MCF2L2: variants seen among roughly 807,000 people sequenced by gnomAD.
The protein encoded by MCF2L2 is probable guanine nucleotide exchange factor MCF2L2.
Under a neutral mutation model 150.2 loss-of-function variants are expected in MCF2L2, and 102 were observed. That is an observed-to-expected ratio of 0.68 (90% confidence interval 0.58 to 0.80). The LOEUF is 0.80. Among genes scored for constraint, MCF2L2 ranks in the 30% least tolerant of loss-of-function variants. The pLI, the probability that MCF2L2 is intolerant of heterozygous loss-of-function variation, is 0.00. For synonymous variants in MCF2L2, 465 were observed against 491.3 expected (o/e 0.95, Z 0.71); for missense variants, 1,256 against 1,372.8 (o/e 0.91, Z 1.34).
chr3:183,285,005 T>A (rs1727709863), intron 14 of MCF2L2, among the ~76,000 whole-genome samples: 1 of 152,210 alleles, frequency 6.6e-6, no homozygotes, highest in Non-Finnish European at 1.5e-5. Flanking sequence ...TCAGAAATAT[T>A]AATAAAACTT....
chr3:183,340,900 G>A (rs1429230827), intron 4 of MCF2L2, among the ~76,000 whole-genome samples: 2 of 152,148 alleles, frequency 1.3e-5, no homozygotes, highest in Non-Finnish European at 2.9e-5. Flanking sequence ...CTGAGATTGC[G>A]CCACTGCACT....
chr3:183,193,218 C>T, intron 26 of MCF2L2, 122 bp from the exon 27 acceptor site: 1 of 741,786 alleles, frequency 1.3e-6, no homozygotes, highest in East Asian at 2.5e-5. Context: ...CGAGGACCTG[C>T]TGCTCCTCCC....
At chr3:183,199,605 T>C (rs1353298346) in intron 25 of MCF2L2, among the ~76,000 whole-genome samples, 1 of 150,768 alleles carries the variant, frequency 6.6e-6, no homozygotes, top group Non-Finnish European at 1.5e-5. Context: ...TTTCAGAATA[T>C]CGAAATTTTT....
intron 25 of MCF2L2, among the ~76,000 whole-genome samples, chr3:183,201,327 G>T (rs1722276225): frequency 6.6e-6 from 1 of 152,058 alleles, no homozygotes; most frequent in Admixed American, 6.5e-5. Flanking sequence ...AGTTCTCCTT[G>T]AAGAGGTCCT....
intron 24 of MCF2L2, 55 bp downstream of exon 24, chr3:183,206,067 G>A: frequency 1.3e-6 from 2 of 1,574,242 alleles, no homozygotes; most frequent in Non-Finnish European, 1.7e-6. Flanking sequence ...GTCAAGTCAT[G>A]GGAACACAAT....
At chr3:183,381,065 AG>A (rs925596018) in intron 2 of MCF2L2, among the ~76,000 whole-genome samples, 4 of 152,192 alleles carry the variant, frequency 2.6e-5, no homozygotes, top group African/African-American at 9.7e-5. Context: ...GAGAATTGAG[AG>A]GGTTTGGGAA....
intron 5 of MCF2L2, among the ~76,000 whole-genome samples, chr3:183,325,001 C>T (rs978093155): frequency 2.5e-4 from 37 of 148,214 alleles, no homozygotes; most frequent in Non-Finnish European, 4.7e-4. Flanking sequence ...AACCATCATT[C>T]TCAGCAAACT....
chr3:183,391,965 G>A (rs979597798), intron 1 of MCF2L2, among the ~76,000 whole-genome samples: 2 of 152,088 alleles, frequency 1.3e-5, no homozygotes, highest in African/African-American at 4.8e-5. Context: ...ATAGCTCACT[G>A]CAGCCTTGAA....
At position 183,311,103 on chromosome 3, in the gene MCF2L2, A is replaced by G. The variant is rs1729357592; in HGVS notation, c.879-74T>C. The G allele has an allele frequency of 1.1e-5, 9 of 839,296 alleles. 1 individual carries two copies. In the South Asian group the frequency reaches 1.3e-4, roughly 12 times the overall value. The allele number at this position is 839,296 out of a possible 1,614,324, so 52.0% of individuals were successfully genotyped here. A position where few individuals can be genotyped will look rare whatever the true frequency, so the allele number is the denominator to read the frequency against. On this transcript the variant is annotated intron_variant, in intron 8 of 29. Transcript: ENST00000328913. Reference sequence around the variant, plus strand: ...CAGGCATCCATATAGGCCTATGGCTAGAACACCTGTGTCTTCGGTCAGTGG... The same window carrying G: ...CAGGCATCCATATAGGCCTATGGCTGGAACACCTGTGTCTTCGGTCAGTGG...
Position 183,407,807 on chromosome 3 carries a change from T to C in MCF2L2, c.77-18028A>G, listed in dbSNP as rs144098585. ...AAGGCTAGAGGTATAAATATTGCAA[T>C]AGAAATAAAATGGAATGAAGAATAG... On this transcript the variant is annotated intron_variant, in intron 1 of 29. Transcript: ENST00000328913. 3.2e-3 allele frequency among the ~76,000 whole-genome samples: 491 copies of C among 152,090 alleles called. 5 individuals carry two copies. The highest frequency in any genetic ancestry group is 0.012 in the African/African-American group (478 of 41,480).
At chr3:183,232,461 A>G (rs1243544773) in intron 15 of MCF2L2, among the ~76,000 whole-genome samples, 1 of 152,118 alleles carries the variant, frequency 6.6e-6, no homozygotes, top group African/African-American at 2.4e-5. Context: ...TCCCAGACAG[A>G]CTTTCTTTCT....
At chr3:183,385,855 C>G (rs1427279183) in intron 2 of MCF2L2, among the ~76,000 whole-genome samples, 2 of 152,206 alleles carry the variant, frequency 1.3e-5, no homozygotes, top group Non-Finnish European at 2.9e-5. Context: ...CAGAAGGCAG[C>G]CAAGAGTTTC....
At chr3:183,290,277 C>G (rs1189477440) in intron 13 of MCF2L2, among the ~76,000 whole-genome samples, 5 of 152,172 alleles carry the variant, frequency 3.3e-5, no homozygotes, top group Admixed American at 2.0e-4. Context: ...CTCCCTTCTC[C>G]CCACCTGGGA....
chr3:183,210,448 T>C (rs1722652819), intron 22 of MCF2L2, among the ~76,000 whole-genome samples: 1 of 152,220 alleles, frequency 6.6e-6, no homozygotes, highest in African/African-American at 2.4e-5. Flanking sequence ...AAACCGGTTG[T>C]TCAGGAAAAG....
At chr3:183,286,029 T>G (rs1727774035) in intron 14 of MCF2L2, among the ~76,000 whole-genome samples, 1 of 152,124 alleles carries the variant, frequency 6.6e-6, no homozygotes, top group South Asian at 2.1e-4. Context: ...CCAGATGACG[T>G]CAGTGAGCCA....
chr3:183,400,434 A>T (rs1200235210), intron 1 of MCF2L2: 1 of 456,666 alleles, frequency 2.2e-6, no homozygotes, highest in Admixed American at 2.3e-5. Context: ...TATCCGCACC[A>T]AGGTGTAAGG....
intron 3 of MCF2L2, among the ~76,000 whole-genome samples, chr3:183,346,842 A>G (rs1037285444): frequency 6.6e-6 from 1 of 152,186 alleles, no homozygotes; most frequent in East Asian, 1.9e-4. Flanking sequence ...TAGAAATACA[A>G]CTTACAAGGG....
At chr3:183,358,801 T>C (rs1462040170) in intron 3 of MCF2L2, among the ~76,000 whole-genome samples, 1 of 151,998 alleles carries the variant, frequency 6.6e-6, no homozygotes, top group African/African-American at 2.4e-5. Flanking sequence ...TTTTTTTTTA[T>C]CTTTGTAGAG....
chr3:183,184,135 A>G (rs912372886), intron 27 of MCF2L2, among the ~76,000 whole-genome samples: 1 of 152,186 alleles, frequency 6.6e-6, no homozygotes, highest in African/African-American at 2.4e-5. Context: ...CTCCTGTCTC[A>G]GCCTCCAGAG....
Sources: allele counts gnomAD v4.1 joint callset (sites outside exome capture counted in the v4.1 genomes callset), GRCh38; gene constraint gnomAD v4.1.1; transcripts MANE v1.5; gene names NCBI Gene and HGNC (gene_info 2026-07-23, HGNC 2026-07-21).